Variants in EPHB1 observed in about 807,000 individuals in gnomAD.
EPHB1 encodes ephrin type-B receptor 1.
A neutral mutation model predicts 94.4 loss-of-function variants in EPHB1; 30 were observed. The ratio of observed to expected loss-of-function variants is 0.32; its 90% CI spans 0.24 to 0.43. EPHB1 has a LOEUF of 0.43. EPHB1 is among the 20% of genes least tolerant of loss of function. The pLI is 1.00. For synonymous variants in EPHB1, 522 were observed against 489.1 expected (o/e 1.07, Z -0.89); for missense variants, 1,055 against 1,308.3 (o/e 0.81, Z 2.99).
At chr3:134,961,558 A>G (rs754256234) in intron 3 of EPHB1, among the ~76,000 whole-genome samples, 3 of 152,190 alleles carry the variant, frequency 2.0e-5, no homozygotes, top group South Asian at 4.1e-4. Flanking sequence ...TCTGGTTGTC[A>G]TCAGTCTCTC....
intron 11 of EPHB1, among the ~76,000 whole-genome samples, chr3:135,197,998 A>G (rs1942667804): frequency 6.6e-6 from 1 of 152,172 alleles, no homozygotes; most frequent in Non-Finnish European, 1.5e-5. Context: ...GACCCTACAT[A>G]TCTTGATATG....
At chr3:135,034,809 A>G (rs1936591973) in intron 3 of EPHB1, among the ~76,000 whole-genome samples, 1 of 152,210 alleles carries the variant, frequency 6.6e-6, no homozygotes, top group African/African-American at 2.4e-5. Context: ...TTGTAAGTGC[A>G]ACACTTTATT....
intron 15 of EPHB1, among the ~76,000 whole-genome samples, chr3:135,255,349 C>T (rs1933331420): frequency 6.6e-6 from 1 of 150,858 alleles, no homozygotes; most frequent in Non-Finnish European, 1.5e-5. Context: ...CTCTTGTGGG[C>T]ATTTAGTGCT....
chr3:135,119,893 G>A (rs1366306466), intron 4 of EPHB1, among the ~76,000 whole-genome samples: 1 of 152,104 alleles, frequency 6.6e-6, no homozygotes, highest in Non-Finnish European at 1.5e-5. Flanking sequence ...CACCTGAATT[G>A]TCCACATTTT....
intron 3 of EPHB1, among the ~76,000 whole-genome samples, chr3:134,998,912 G>A (rs772744152): frequency 2.0e-5 from 3 of 152,194 alleles, no homozygotes; most frequent in Non-Finnish European, 4.4e-5. Flanking sequence ...TGAGGGACAT[G>A]ATGGCGACAG....
intron 3 of EPHB1, among the ~76,000 whole-genome samples, chr3:135,034,868 C>T (rs1327240584): frequency 3.9e-5 from 6 of 152,196 alleles, no homozygotes; most frequent in Non-Finnish European, 5.9e-5. Context: ...TACAGGATAG[C>T]CTCTGCCTGT....
intron 13 of EPHB1, among the ~76,000 whole-genome samples, chr3:135,244,304 G>C (rs1943868279): frequency 6.6e-6 from 1 of 152,216 alleles, no homozygotes; most frequent in South Asian, 2.1e-4. Context: ...AGTTGTTGCT[G>C]AACTTTCAAA....
At chr3:135,171,369 G>T (rs1034554282) in intron 9 of EPHB1, among the ~76,000 whole-genome samples, 4 of 152,200 alleles carry the variant, frequency 2.6e-5, no homozygotes, top group African/African-American at 9.6e-5. Context: ...CAGGAAGGAA[G>T]TCCCTGGTGT....
At chr3:134,943,147 C>G (rs899249436) in intron 2 of EPHB1, among the ~76,000 whole-genome samples, 1 of 152,240 alleles carries the variant, frequency 6.6e-6, no homozygotes, top group Non-Finnish European at 1.5e-5. Context: ...CTGGGCCTCA[C>G]TCTGCCCATT....
chr3:135,252,392 A>T (rs1424290471), intron 15 of EPHB1, among the ~76,000 whole-genome samples: 6 of 116,962 alleles, frequency 5.1e-5, no homozygotes, highest in Non-Finnish European at 8.3e-5. Context: ...CAGTCCCCAG[A>T]GTGTGATGTT....
chr3:135,034,685 T>C lies in EPHB1; in HGVS notation c.806-71763T>C, dbSNP rs1380581934. 2.0e-5 allele frequency among the ~76,000 whole-genome samples: 3 copies of C among 152,252 alleles called. No homozygotes were observed. In the East Asian group the frequency reaches 5.8e-4, roughly 29 times the overall value. ...ACAAGTCCTGCCATGTGGCTGTGCC[T>C]GGGGTGCCCTGCCAAGGCAGCTGTC... On this transcript the variant is annotated intron_variant, in intron 3 of 15. Transcript: ENST00000398015.
chr3:135,054,097 T>C (rs1576349277), intron 3 of EPHB1, among the ~76,000 whole-genome samples: 1 of 151,938 alleles, frequency 6.6e-6, no homozygotes, highest in East Asian at 1.9e-4. Flanking sequence ...GACAAATTTA[T>C]ATCATATAAT....
Position 135,142,808 on chromosome 3 carries a change from G to A in EPHB1, c.1297+9759G>A, listed in dbSNP as rs147938476. On this transcript the variant is annotated intron_variant, in intron 5 of 15. Coordinates refer to ENST00000398015, the MANE Select transcript of EPHB1 (RefSeq NM_004441.5). ...AGGAGGGCAAGGCTCAGGGTAGAGA[G>A]GAAGACAAAGACTGAAGCTCATGCC... 3.9e-5 allele frequency among the ~76,000 whole-genome samples: 6 copies of A among 152,288 alleles called. No homozygotes were observed. The East Asian group carries it at 9.7e-4, about 25-fold the overall frequency.
intron 3 of EPHB1, among the ~76,000 whole-genome samples, chr3:135,012,158 C>A (rs1935641814): frequency 1.3e-5 from 2 of 152,280 alleles, no homozygotes; most frequent in East Asian, 3.9e-4. Context: ...TGTATAAATT[C>A]AGTACCACCA....
At chr3:134,963,525 T>G (rs937896333) in intron 3 of EPHB1, among the ~76,000 whole-genome samples, 1 of 152,234 alleles carries the variant, frequency 6.6e-6, no homozygotes, top group Non-Finnish European at 1.5e-5. Context: ...CTGTCATTTA[T>G]AAAGCAGTGA....
chr3:135,012,306 G>A (rs1576315877), intron 3 of EPHB1, among the ~76,000 whole-genome samples: 1 of 152,352 alleles, frequency 6.6e-6, no homozygotes, highest in African/African-American at 2.4e-5. Context: ...TGGCTGCCAT[G>A]TGGCAGTGGG....
chr3:135,094,838 C>G lies in EPHB1; in HGVS notation c.806-11610C>G, dbSNP rs534102538. 6.1e-4 allele frequency among the ~76,000 whole-genome samples: 93 copies of G among 152,332 alleles called. 1 individual carries two copies. The highest frequency in any genetic ancestry group is 2.2e-3 in the African/African-American group (90 of 41,570). On this transcript the variant is annotated intron_variant, in intron 3 of 15. Coordinates refer to ENST00000398015, the MANE Select transcript of EPHB1 (RefSeq NM_004441.5). ...GGAGATGCAGGTAATGCTGCAGCTT[C>G]AGGGGCAGGAATCTCTGGTCAGAGG... is the stretch of plus-strand genomic sequence containing the variant.
chr3:134,929,040 A>C (rs1274201821), intron 2 of EPHB1, among the ~76,000 whole-genome samples: 2 of 152,170 alleles, frequency 1.3e-5, no homozygotes, highest in Non-Finnish European at 2.9e-5. Context: ...AGAGAGGTGA[A>C]GAGTCAGTAG....
chr3:134,960,258 A>G (rs1933460373), intron 3 of EPHB1, among the ~76,000 whole-genome samples: 2 of 152,002 alleles, frequency 1.3e-5, no homozygotes, highest in Non-Finnish European at 2.9e-5. Context: ...GCTGTTGCAA[A>G]TGGAGAAGGA....
Sources: gnomAD v4.1 joint callset for allele counts (sites outside exome capture counted in the v4.1 genomes callset) on GRCh38, gnomAD v4.1.1 for gene constraint, MANE v1.5 for transcripts, NCBI Gene and HGNC (gene_info 2026-07-23, HGNC 2026-07-21) for gene names.